Variants in DNAJC7 observed in about 807,000 individuals in gnomAD.
DNAJC7 encodes the protein DnaJ heat shock protein family (Hsp40) member C7.
A neutral mutation model predicts 67.4 loss-of-function variants in DNAJC7; 18 were observed. The observed-to-expected ratio is 0.27, with a 90% CI of 0.18 to 0.40. The LOEUF is 0.40. DNAJC7 is among the 10% of genes least tolerant of loss of function. DNAJC7 has a pLI of 1.00. For missense variants in DNAJC7, 419 were observed against 613.8 expected, an observed-to-expected ratio of 0.68 and a Z score of 3.35; for synonymous variants, 220 against 207.8, an observed-to-expected ratio of 1.06 and a Z score of -0.50.
intron 8 of DNAJC7, 59 bp downstream of exon 8, chr17:41,988,673 C>A: frequency 6.6e-7 from 1 of 1,517,230 alleles, no homozygotes; most frequent in Non-Finnish European, 8.8e-7. Context: ...TTTCCCAAGA[C>A]CCTTTGATGT....
chr17:41,989,645 CAT>C, intron 6 of DNAJC7, 88 bp from the exon 7 acceptor site: 1 of 1,522,600 alleles, frequency 6.6e-7, no homozygotes, highest in Non-Finnish European at 8.9e-7. Flanking sequence ...CCTCCTTGAC[CAT>C]GTGTCTAGCA....
intron 1 of DNAJC7, among the ~76,000 whole-genome samples, chr17:42,006,825 G>A (rs1234358718): frequency 3.0e-5 from 1 of 33,042 alleles, no homozygotes; most frequent in Non-Finnish European, 7.1e-5. Flanking sequence ...AAAAGTCCAG[G>A]CACGGTGGCT....
In DNAJC7 at chr17:41,997,254, G is replaced by A. The variant is rs782619908; in HGVS notation, c.167-15C>T. On this transcript the variant is annotated splice_polypyrimidine_tract_variant and intron_variant, in intron 2 of 13. Transcript: ENST00000457167. ...AGGACACATATCTATAGGAAAGGCA[G>A]AAGAACGTAAAACAAAGTTTAGAAC... 2.5e-6 allele frequency: 4 copies of A among 1,611,600 alleles called. No homozygotes were observed. Among genetic ancestry groups the A allele is most frequent in the Non-Finnish European group, 2.5e-6 (3 of 1,178,760 alleles).
intron 12 of DNAJC7, among the ~76,000 whole-genome samples, chr17:41,978,706 A>C (rs1567952422): frequency 6.6e-6 from 1 of 152,094 alleles, no homozygotes; most frequent in Non-Finnish European, 1.5e-5. Flanking sequence ...AAAAAAAATA[A>C]AAATAAAAAT....
At chr17:41,982,061 A>G in intron 11 of DNAJC7, 54 bp from the exon 12 acceptor site, 1 of 1,592,622 alleles carries the variant, frequency 6.3e-7, no homozygotes, top group South Asian at 1.1e-5. Context: ...TCAAGAAAAC[A>G]AAGTTTAAGA....
At chr17:42,008,619 C>T (rs1326396419) in intron 1 of DNAJC7, among the ~76,000 whole-genome samples, 6 of 152,050 alleles carry the variant, frequency 3.9e-5, no homozygotes, top group Admixed American at 3.9e-4. Flanking sequence ...ACCGTGTTAG[C>T]CAGGATGGTC....
At chr17:42,008,485 T>C (rs1278330813) in intron 1 of DNAJC7, among the ~76,000 whole-genome samples, 57 of 150,090 alleles carry the variant, frequency 3.8e-4, no homozygotes, top group African/African-American at 1.4e-3. Flanking sequence ...TCTCGGCTCA[T>C]TGCAAGCTCC....
rs1555646128 is a variant in DNAJC7 at position 41,982,401 on chromosome 17, T to C, written c.1085A>G (p.Glu362Gly). Residue 362 changes from glutamate (E) to glycine (G), a missense_variant and splice_region_variant, in exon 11 of 14, where the codon GAA (glutamate) becomes GGA (glycine). Physicochemically the swap from Glu to Gly is moderately conservative, Grantham distance 98. Coordinates refer to ENST00000457167, the MANE Select transcript of DNAJC7 (RefSeq NM_003315.4). ...EKVYQTEKTK[E>G]HKQLLKNAQL... The stretch of plus-strand genomic sequence containing the variant: ...CGCATTTTTTAGGAGCTGTTTGTGT[T>C]CTACAGGAAGACATCTGGCATCAGT... 6.2e-7 allele frequency: 1 copy of C among 1,613,878 alleles called. No homozygotes were observed. Among genetic ancestry groups the C allele is most frequent in the Admixed American group, 1.7e-5 (1 of 60,012 alleles).
chr17:42,013,602 C>T (rs2052177838), intron 1 of DNAJC7: 2 of 152,256 alleles, frequency 1.3e-5, no homozygotes, highest in African/African-American at 4.8e-5. Context: ...AGAACTCTAA[C>T]CAAGCCAGAC....
chr17:41,980,362 C>A (rs1035651792), intron 12 of DNAJC7, among the ~76,000 whole-genome samples: 3 of 150,284 alleles, frequency 2.0e-5, no homozygotes. Context: ...TTTTGGCAGA[C>A]AACTTAGAGT....
intron 6 of DNAJC7, among the ~76,000 whole-genome samples, chr17:41,989,971 G>C (rs1183377748): frequency 1.3e-5 from 2 of 152,256 alleles, no homozygotes; most frequent in African/African-American, 4.8e-5. Context: ...GCCCTTTGCA[G>C]AAAGTGTGCC....
At chr17:42,004,544 T>C (rs552447998) in intron 1 of DNAJC7, among the ~76,000 whole-genome samples, 8 of 152,256 alleles carry the variant, frequency 5.3e-5, no homozygotes, top group African/African-American at 1.9e-4. Flanking sequence ...GTCTTTTCAT[T>C]TTAACTGACA....
At chr17:42,001,105 G>C (rs1555649444) in intron 1 of DNAJC7, 1 of 152,648 alleles carries the variant, frequency 6.6e-6, no homozygotes, top group Non-Finnish European at 1.5e-5. Context: ...TGGCAAAAGA[G>C]TTAAAAGCAT....
chr17:42,011,838 G>A lies in DNAJC7; in HGVS notation c.77+5502C>T, dbSNP rs75671657. ...GCATGCCCACAAGCTCTTCAGTTAA[G>A]TGAGGCCACAAACTCAAAAACACCA... On this transcript the variant is annotated intron_variant, in intron 1 of 13. Coordinates refer to ENST00000457167, the MANE Select transcript of DNAJC7 (RefSeq NM_003315.4). 3.9e-4 allele frequency: 60 copies of A among 152,308 alleles called. No homozygotes were observed. In the East Asian group the frequency reaches 0.011, roughly 29 times the overall value. 9.4% of individuals were successfully genotyped at this position (152,308 alleles called of 1,614,324 possible). A position where few individuals can be genotyped will look rare whatever the true frequency, so the allele number is the denominator to read the frequency against.
intron 9 of DNAJC7, 130 bp from the exon 10 acceptor site, chr17:41,983,766 GC>G (rs1452180374): frequency 1.0e-5 from 7 of 685,470 alleles, no homozygotes; most frequent in Non-Finnish European, 1.6e-5. Flanking sequence ...AGAAACAGGA[GC>G]CCTTAATCTA....
chr17:41,990,158 G>C (rs2051476958), intron 6 of DNAJC7, 106 bp downstream of exon 6: 3 of 1,089,888 alleles, frequency 2.8e-6, no homozygotes. Context: ...GGTCTGATCA[G>C]CCCTAGCTGG....
At chr17:41,982,679 CGAAA>C (rs1250912599) in intron 10 of DNAJC7, among the ~76,000 whole-genome samples, 9 of 152,038 alleles carry the variant, frequency 5.9e-5, no homozygotes, top group Non-Finnish European at 8.8e-5. Context: ...TTCGGTAGCA[CGAAA>C]GAAAGGAGGG....
At chr17:42,003,581 G>A (rs1454155779) in intron 1 of DNAJC7, 1 of 152,162 alleles carries the variant, frequency 6.6e-6, no homozygotes, top group Non-Finnish European at 1.5e-5. Flanking sequence ...AGAAGAGCTG[G>A]TTAACACTGG....
At chr17:42,002,961 C>CT (rs2051848563) in intron 1 of DNAJC7, among the ~76,000 whole-genome samples, 1 of 152,148 alleles carries the variant, frequency 6.6e-6, no homozygotes, top group Admixed American at 6.6e-5. Flanking sequence ...AGATGCAAGA[C>CT]CTAGTGAACT....
Sources: gnomAD v4.1 joint callset for allele counts (sites outside exome capture counted in the v4.1 genomes callset) on GRCh38, gnomAD v4.1.1 for gene constraint, MANE v1.5 for transcripts, NCBI Gene and HGNC (gene_info 2026-07-23, HGNC 2026-07-21) for gene names.